Variants in PCDHA1 observed in about 807,000 individuals in gnomAD.
The protein encoded by PCDHA1 is protocadherin alpha 1.
PCDHA1 carries 42 observed loss-of-function variants against 61.3 expected under a neutral mutation model. The ratio of observed to expected loss-of-function variants is 0.69; its 90% confidence interval spans 0.54 to 0.89. The LOEUF (loss-of-function observed/expected upper bound fraction) is 0.89, where lower values mean the gene tolerates loss of function less well. Among genes scored for constraint, PCDHA1 ranks in the 40% least tolerant of loss-of-function variants. The pLI, the probability that PCDHA1 is intolerant of heterozygous loss-of-function variation, is 0.00. For synonymous variants in PCDHA1, 610 were observed against 553.8 expected (o/e 1.10, Z -1.43); for missense variants, 1,256 against 1,235.3 (o/e 1.02, Z -0.25).
intron 1 of PCDHA1, chr5:140,882,591 T>C (rs781883775): frequency 1.2e-6 from 2 of 1,614,116 alleles, no homozygotes; most frequent in South Asian, 2.2e-5. Flanking sequence ...CACCTGGAGG[T>C]GATCGTGGAC....
chr5:140,794,492 G>A (rs2149911081), intron 1 of PCDHA1, among the ~76,000 whole-genome samples: 1 of 152,334 alleles, frequency 6.6e-6, no homozygotes, highest in South Asian at 2.1e-4. Context: ...GAGTGACGGT[G>A]AAAAGCGGAG....
intron 1 of PCDHA1, among the ~76,000 whole-genome samples, chr5:140,918,353 C>T (rs557694814): frequency 4.6e-5 from 7 of 152,236 alleles, no homozygotes; most frequent in African/African-American, 1.7e-4. Context: ...AGGTTGACTT[C>T]CTCTCTGCCT....
Position 141,009,803 on chromosome 5 carries a change from C to G in PCDHA1, c.2719C>G (p.Gln907Glu). 6.2e-7 allele frequency: 1 copy of G among 1,613,968 alleles called. No individual in the cohort carries two copies. The highest frequency in any genetic ancestry group is 8.5e-7 in the Non-Finnish European group (1 of 1,179,994). ...CATCCGGCAGGAGCCTACTAACAGC[C>G]AAATTGACAAAAGTGACTTCATAAC... ...ISIRQEPTNS[Q>E]IDKSDFITFG... Residue 907 changes from glutamine to glutamate, a missense_variant, in exon 4 of 4, where the codon CAA (glutamine) becomes GAA (glutamate). Physicochemically the swap from Gln to Glu is conservative, Grantham distance 29 (BLOSUM62 2). Coordinates refer to ENST00000504120, the MANE Select transcript of PCDHA1 (RefSeq NM_018900.4).
At chr5:140,970,316 A>G (rs547261671) in intron 1 of PCDHA1, among the ~76,000 whole-genome samples, 1 of 152,342 alleles carries the variant, frequency 6.6e-6, no homozygotes, top group African/African-American at 2.4e-5. Flanking sequence ...GTTAAATGAC[A>G]GTACTTCCAA....
At chr5:140,989,321 C>A (rs898791820) in intron 3 of PCDHA1, among the ~76,000 whole-genome samples, 6 of 152,178 alleles carry the variant, frequency 3.9e-5, no homozygotes, top group Non-Finnish European at 7.3e-5. Flanking sequence ...GTCTCACCAA[C>A]TTTGCCACCT....
chr5:140,994,528 C>T (rs1331400819), intron 3 of PCDHA1, among the ~76,000 whole-genome samples: 1 of 137,784 alleles, frequency 7.3e-6, no homozygotes, highest in Non-Finnish European at 1.5e-5. Flanking sequence ...CATGGCAAAA[C>T]CCCATCTCTA....
intron 1 of PCDHA1, chr5:140,803,177 C>A (rs144811750): frequency 3.1e-6 from 5 of 1,613,890 alleles, no homozygotes; most frequent in Non-Finnish European, 4.2e-6. Flanking sequence ...CCTCATTGAC[C>A]GCCACGGCCA....
intron 1 of PCDHA1, among the ~76,000 whole-genome samples, chr5:140,837,994 C>A (rs1460349736): frequency 2.0e-5 from 3 of 150,494 alleles, no homozygotes. Context: ...TTCATCTTTC[C>A]TTTTTTTTAA....
intron 1 of PCDHA1, among the ~76,000 whole-genome samples, chr5:140,900,279 C>A (rs2067883641): frequency 6.6e-6 from 1 of 151,672 alleles, no homozygotes. Flanking sequence ...ATGTACCACA[C>A]TTTCTTTTCT....
chr5:140,841,800 C>A, intron 1 of PCDHA1: 1 of 1,613,890 alleles, frequency 6.2e-7, no homozygotes, highest in South Asian at 1.1e-5. Flanking sequence ...GCGTCCGATG[C>A]AGATGTTGGA....
At chr5:140,836,050 T>G (rs1344658459) in intron 1 of PCDHA1, 1 of 1,613,330 alleles carries the variant, frequency 6.2e-7, no homozygotes, top group Non-Finnish European at 8.5e-7. Context: ...GTGTTCGTGC[T>G]GGACGAGAAC....
intron 1 of PCDHA1, among the ~76,000 whole-genome samples, chr5:140,792,156 C>T (rs983558435): frequency 4.6e-5 from 7 of 152,124 alleles, no homozygotes; most frequent in Non-Finnish European, 7.4e-5. Context: ...CTTGGATCTT[C>T]CAGCTTCTGG....
At chr5:140,927,729 G>C (rs2084563367) in intron 1 of PCDHA1, 1 of 1,614,098 alleles carries the variant, frequency 6.2e-7, no homozygotes, top group South Asian at 1.1e-5. Context: ...CGCAAGCAGA[G>C]CTGCGACACC....
intron 1 of PCDHA1, among the ~76,000 whole-genome samples, chr5:140,798,908 C>T (rs1762376007): frequency 6.6e-6 from 1 of 152,160 alleles, no homozygotes; most frequent in South Asian, 2.1e-4. Flanking sequence ...AATATATGTG[C>T]ATATTGATAA....
rs1193708084 is a variant in PCDHA1, at chr5:140,882,956, A to AT, written c.2394+94273dup. 3.1e-6 allele frequency: 5 copies of AT among 1,614,110 alleles called. No individual in the cohort carries two copies. In the African/African-American group the frequency reaches 6.7e-5, roughly 22 times the overall value. ...GCTGACTGGCACAGTTCAGCTGCTC[A>AT]TCACGATTCTGGACGTGAATGACAA... On this transcript the variant is annotated intron_variant, in intron 1 of 3. Transcript: ENST00000504120.
At chr5:140,987,232 A>G (rs1554248942) in intron 3 of PCDHA1, among the ~76,000 whole-genome samples, 1 of 151,894 alleles carries the variant, frequency 6.6e-6, no homozygotes, top group African/African-American at 2.4e-5. Flanking sequence ...AAAAAATAAT[A>G]AATAAAGAAA....
intron 3 of PCDHA1, among the ~76,000 whole-genome samples, chr5:140,998,180 A>C (rs2097799784): frequency 6.6e-6 from 1 of 152,122 alleles, no homozygotes; most frequent in East Asian, 1.9e-4. Context: ...TATTCTAAGC[A>C]CTTTACAAGT....
chr5:140,803,679 A>G, intron 1 of PCDHA1: 1 of 1,584,602 alleles, frequency 6.3e-7, no homozygotes, highest in Non-Finnish European at 8.6e-7. Context: ...TTAATAGTTA[A>G]GTATGAATTA....
At chr5:140,887,532 C>T (rs1161154809) in intron 1 of PCDHA1, among the ~76,000 whole-genome samples, 1 of 152,152 alleles carries the variant, frequency 6.6e-6, no homozygotes, top group African/African-American at 2.4e-5. Flanking sequence ...GAGTCTTCCT[C>T]TCCCCACCCC....
Sources: gnomAD v4.1 joint callset for allele counts (sites outside exome capture counted in the v4.1 genomes callset) on GRCh38, gnomAD v4.1.1 for gene constraint, MANE v1.5 for transcripts, NCBI Gene and HGNC (gene_info 2026-07-23, HGNC 2026-07-21) for gene names.